DCC: variants seen among roughly 807,000 people sequenced by gnomAD.
DCC encodes the protein DCC netrin 1 receptor, also known as netrin receptor DCC.
Under a neutral mutation model 172.5 loss-of-function variants are expected in DCC, and 58 were observed. That is an observed-to-expected ratio of 0.34 (90% confidence interval 0.27 to 0.42). The LOEUF (loss-of-function observed/expected upper bound fraction) is 0.42, where lower values mean the gene tolerates loss of function less well. Among genes scored for constraint, DCC ranks in the 10% least tolerant of loss-of-function variants. The probability of loss-of-function intolerance (pLI) is 1.00; values close to 1 mark genes in which losing one functional copy is unlikely to be tolerated. For missense variants in DCC, 1,740 were observed against 1,791.0 expected, an observed-to-expected ratio of 0.97 and a Z score of 0.51; for synonymous variants, 709 against 644.5, an observed-to-expected ratio of 1.10 and a Z score of -1.52.
At position 52,713,345 on chromosome 18, in the gene DCC, C is replaced by T. The variant is rs560122705; in HGVS notation, c.92-38709C>T. 1.4e-3 allele frequency among the ~76,000 whole-genome samples: 209 copies of T among 152,276 alleles called. 1 individual carries two copies. Among genetic ancestry groups the T allele is most frequent in the Non-Finnish European group, 2.6e-3 (175 of 68,010 alleles). ...CAGAGAGTTCAAGAAGCTCTGAAAA[C>T]CATGGGAACCAGTGACCTGTTCAAA... On this transcript the variant is annotated intron_variant, in intron 1 of 28. Transcript: ENST00000442544.
intron 15 of DCC, among the ~76,000 whole-genome samples, chr18:53,350,253 A>G (rs8093717): frequency 0.043 from 6,559 of 152,246 alleles, 456 homozygotes; most frequent in African/African-American, 0.15. Context: ...ATTGATGTGG[A>G]TTAACAAAGA....
At chr18:52,899,637 G>A (rs1001226871) in intron 2 of DCC, among the ~76,000 whole-genome samples, 2 of 151,856 alleles carry the variant, frequency 1.3e-5, no homozygotes, top group African/African-American at 4.8e-5. Flanking sequence ...TTACGGGCAT[G>A]AGCCACCGTG....
chr18:53,100,493 G>A (rs139751707), intron 7 of DCC, among the ~76,000 whole-genome samples: 3 of 152,138 alleles, frequency 2.0e-5, no homozygotes, highest in African/African-American at 7.2e-5. Flanking sequence ...AGAAAAGAGA[G>A]AGACAGAAAA....
intron 5 of DCC, among the ~76,000 whole-genome samples, chr18:53,020,201 TA>T (rs949340242): frequency 7.9e-5 from 12 of 151,916 alleles, no homozygotes; most frequent in African/African-American, 2.2e-4. Flanking sequence ...CACTTTCAAA[TA>T]AAAAAAACCC....
rs1010191928 is a variant in DCC, at chr18:52,630,642, G to A, written c.92-121412G>A. On this transcript the variant is annotated intron_variant, in intron 1 of 28. Transcript: ENST00000442544. ...TAGCTTCTGGACAGACCTTTATGAC[G>A]GTGAGATTTTTTTTTTTTTACAAAT... 7.2e-5 allele frequency among the ~76,000 whole-genome samples: 11 copies of A among 151,920 alleles called. No homozygotes were observed. The South Asian group carries it at 8.3e-4, about 11-fold the overall frequency.
chr18:52,359,393 G>A (rs912436343), intron 1 of DCC, among the ~76,000 whole-genome samples: 1 of 152,138 alleles, frequency 6.6e-6, no homozygotes, highest in East Asian at 1.9e-4. Flanking sequence ...CCCATTTTAA[G>A]TAGCAATGTG....
intron 14 of DCC, among the ~76,000 whole-genome samples, chr18:53,338,914 T>C (rs2057621943): frequency 6.6e-6 from 1 of 152,210 alleles, no homozygotes; most frequent in Non-Finnish European, 1.5e-5. Flanking sequence ...TTAGAGAGGA[T>C]AAATGATATC....
In DCC at chr18:52,925,324, A is replaced by T. The variant is rs201842209; in HGVS notation, c.939A>T (p.Thr313=). 11 of 1,612,742 alleles carry T rather than the reference A, an allele frequency of 6.8e-6. No homozygotes were observed. In the African/African-American group the frequency reaches 1.5e-4, roughly 22 times the overall value. ...DDSGMYTCVV[T]YKNENISASA... ...GTGGAATGTATACCTGTGTTGTCAC[A>T]TATAAAAATGAGAATATTAGTGCCT... Residue 313 remains threonine (T), a synonymous_variant, in exon 5 of 29, where the codon ACA becomes ACT. Transcript: ENST00000442544.
chr18:52,997,669 A>G (rs943869701), intron 5 of DCC, among the ~76,000 whole-genome samples: 2 of 152,128 alleles, frequency 1.3e-5, no homozygotes, highest in Non-Finnish European at 2.9e-5. Context: ...TGTTTGTTCT[A>G]CAGGTAAAAA....
chr18:52,342,354 T>G (rs1983687235), intron 1 of DCC, among the ~76,000 whole-genome samples: 1 of 151,570 alleles, frequency 6.6e-6, no homozygotes, highest in African/African-American at 2.4e-5. Flanking sequence ...GCTTAGCCGC[T>G]GGTGCTCCCT....
intron 5 of DCC, among the ~76,000 whole-genome samples, chr18:52,944,671 G>T (rs2040513848): frequency 6.6e-6 from 1 of 152,106 alleles, no homozygotes; most frequent in Admixed American, 6.5e-5. Flanking sequence ...CAAAATTTTG[G>T]ATATCTTCCC....
chr18:52,649,372 C>CAAA lies in DCC; in HGVS notation c.92-102667_92-102665dup, dbSNP rs74178677. Among the ~76,000 whole-genome samples, 790 of 123,992 alleles carry CAAA rather than the reference C, an allele frequency of 6.4e-3. 5 individuals are homozygous for CAAA. Among genetic ancestry groups the CAAA allele is most frequent in the Non-Finnish European group, 9.4e-3 (571 of 60,432 alleles). 81.3% of individuals were successfully genotyped at this position (123,992 alleles called of 152,430 possible). On this transcript the variant is annotated intron_variant, in intron 1 of 28. Coordinates refer to ENST00000442544, the MANE Select transcript of DCC (RefSeq NM_005215.4). The stretch of plus-strand genomic sequence containing the variant: ...TGGGTGACAGAGTGAGATTCCGTAT[C>CAAA]AAAAAAAAAAAAAAAAAGATTAACT...
intron 16 of DCC, among the ~76,000 whole-genome samples, chr18:53,387,745 T>TA (rs1260606318): frequency 8.5e-5 from 13 of 152,192 alleles, no homozygotes; most frequent in African/African-American, 2.7e-4. Flanking sequence ...CTGTCCTGCC[T>TA]ATGGTAAAAG....
chr18:53,033,433 T>C (rs1056642711), intron 5 of DCC, among the ~76,000 whole-genome samples: 2 of 152,158 alleles, frequency 1.3e-5, no homozygotes, highest in African/African-American at 4.8e-5. Context: ...TCACTGCGTC[T>C]TGCATATGTT....
chr18:52,640,747 C>A (rs1568268848), intron 1 of DCC, among the ~76,000 whole-genome samples: 1 of 152,064 alleles, frequency 6.6e-6, no homozygotes, highest in Non-Finnish European at 1.5e-5. Flanking sequence ...ATCAAATGTT[C>A]ATGGATGGGT....
At chr18:52,890,297 C>G (rs2039629890) in intron 2 of DCC, among the ~76,000 whole-genome samples, 1 of 151,880 alleles carries the variant, frequency 6.6e-6, no homozygotes, top group Non-Finnish European at 1.5e-5. Context: ...TAATTGAACA[C>G]AGGGTTGGAG....
At chr18:53,354,891 G>GA (rs1227012522) in intron 15 of DCC, among the ~76,000 whole-genome samples, 6 of 151,116 alleles carry the variant, frequency 4.0e-5, no homozygotes, top group African/African-American at 1.5e-4. Context: ...TTTTCTTCTA[G>GA]GTTTTTATGG....
At chr18:52,421,577 C>T (rs987199678) in intron 1 of DCC, among the ~76,000 whole-genome samples, 9 of 152,186 alleles carry the variant, frequency 5.9e-5, no homozygotes, top group Non-Finnish European at 1.0e-4. Flanking sequence ...CAGCACAAAA[C>T]GCCACATCTG....
At chr18:53,220,913 G>A (rs2055922391) in intron 12 of DCC, among the ~76,000 whole-genome samples, 1 of 152,092 alleles carries the variant, frequency 6.6e-6, no homozygotes, top group South Asian at 2.1e-4. Flanking sequence ...ATTTCCTGGG[G>A]GCTCTTACAG....
Sources: allele counts gnomAD v4.1 joint callset (sites outside exome capture counted in the v4.1 genomes callset), GRCh38; gene constraint gnomAD v4.1.1; transcripts MANE v1.5; gene names NCBI Gene and HGNC (gene_info 2026-07-23, HGNC 2026-07-21).